The following RCOR1 variants were observed in gnomAD, a reference collection of about 807,000 sequenced individuals.
RCOR1 encodes the protein REST corepressor.
RCOR1 carries 12 observed loss-of-function variants against 64.0 expected under a neutral mutation model. That is an observed-to-expected ratio of 0.19 (90% confidence interval 0.12 to 0.30). RCOR1 has a LOEUF of 0.30. Among genes scored for constraint, RCOR1 ranks in the 10% least tolerant of loss-of-function variants. RCOR1 has a pLI of 1.00. For missense variants in RCOR1, 502 were observed against 621.2 expected (o/e 0.81, Z 2.04); for synonymous variants, 279 against 227.2 (o/e 1.23, Z -2.05).
chr14:102,595,146 CTT>C (rs973851196), intron 2 of RCOR1, among the ~76,000 whole-genome samples: 99 of 152,268 alleles, frequency 6.5e-4, no homozygotes, highest in African/African-American at 2.3e-3. Context: ...TTTGAACTGT[CTT>C]TGGGCTTTTT....
intron 2 of RCOR1, among the ~76,000 whole-genome samples, chr14:102,663,754 A>C (rs1482713110): frequency 1.3e-5 from 2 of 152,204 alleles, no homozygotes; most frequent in African/African-American, 4.8e-5. Flanking sequence ...TTCACTGTGA[A>C]ATTAATTGGT....
At chr14:102,685,801 A>T (rs915416864) in intron 3 of RCOR1, among the ~76,000 whole-genome samples, 4 of 152,154 alleles carry the variant, frequency 2.6e-5, no homozygotes, top group African/African-American at 7.2e-5. Flanking sequence ...ATGTCTCTCA[A>T]AAAGTCCAAA....
intron 2 of RCOR1, among the ~76,000 whole-genome samples, chr14:102,675,962 G>T (rs191390807): frequency 6.6e-6 from 1 of 151,574 alleles, no homozygotes; most frequent in Non-Finnish European, 1.5e-5. Flanking sequence ...GCTGTGTACT[G>T]TTCCAGTATA....
At chr14:102,703,266 G>T (rs1895784851) in intron 4 of RCOR1, among the ~76,000 whole-genome samples, 1 of 152,222 alleles carries the variant, frequency 6.6e-6, no homozygotes, top group Admixed American at 6.5e-5. Context: ...GTTGCATAAG[G>T]AGTAAGAGAG....
chr14:102,657,117 A>G (rs1484261874), intron 2 of RCOR1: 1 of 983,296 alleles, frequency 1.0e-6, no homozygotes, highest in Non-Finnish European at 1.2e-6. Flanking sequence ...TTTTCCTTAT[A>G]TAATTTAGGT....
At chr14:102,635,697 A>G (rs1313609754) in intron 2 of RCOR1, among the ~76,000 whole-genome samples, 1 of 151,922 alleles carries the variant, frequency 6.6e-6, no homozygotes, top group African/African-American at 2.4e-5. Context: ...ACTAATCTGC[A>G]TGGATTGTTT....
intron 3 of RCOR1, among the ~76,000 whole-genome samples, chr14:102,684,769 G>A (rs917623869): frequency 6.6e-6 from 1 of 152,146 alleles, no homozygotes; most frequent in Non-Finnish European, 1.5e-5. Context: ...GATTATCTGT[G>A]TGTGTGTATG....
intron 2 of RCOR1, among the ~76,000 whole-genome samples, chr14:102,668,323 A>T (rs1379001946): frequency 6.6e-6 from 1 of 152,208 alleles, no homozygotes; most frequent in Non-Finnish European, 1.5e-5. Context: ...ATCTTGCTAA[A>T]ATTAAGAATC....
chr14:102,689,546 T>C (rs1185770570), intron 3 of RCOR1, among the ~76,000 whole-genome samples: 1 of 152,204 alleles, frequency 6.6e-6, no homozygotes, highest in Non-Finnish European at 1.5e-5. Flanking sequence ...TGGATATCCA[T>C]AGAAACAGAT....
chr14:102,678,158 G>T (rs1297429080), intron 2 of RCOR1, among the ~76,000 whole-genome samples: 1 of 152,008 alleles, frequency 6.6e-6, no homozygotes. Flanking sequence ...CAGCAGTACC[G>T]TCCAGCTTTG....
At chr14:102,617,312 A>G (rs1255190496) in intron 2 of RCOR1, among the ~76,000 whole-genome samples, 2 of 152,162 alleles carry the variant, frequency 1.3e-5, no homozygotes, top group African/African-American at 2.4e-5. Context: ...GGTATTTTGT[A>G]TTTTTTAGCG....
At chr14:102,605,106 TTAGGAGCAAGACTTTATTGGATC>T (rs1893479906) in intron 2 of RCOR1, among the ~76,000 whole-genome samples, 1 of 150,358 alleles carries the variant, frequency 6.7e-6, no homozygotes, top group Non-Finnish European at 1.5e-5. Flanking sequence ...GAAAAAACAC[TTAGGAGCAAGACTTTATTGGATC>T]CATTGATTAG....
intron 2 of RCOR1, chr14:102,630,189 T>A: frequency 6.3e-6 from 1 of 158,026 alleles, no homozygotes; most frequent in Non-Finnish European, 1.4e-5. Flanking sequence ...GTGAGTGAGT[T>A]CTTACTCCTT....
At chr14:102,689,595 T>C (rs957842987) in intron 3 of RCOR1, among the ~76,000 whole-genome samples, 1 of 152,190 alleles carries the variant, frequency 6.6e-6, no homozygotes, top group Non-Finnish European at 1.5e-5. Flanking sequence ...TTATAAGTTA[T>C]ATATAGTAAG....
At chr14:102,599,786 C>G (rs1595188462) in intron 2 of RCOR1, among the ~76,000 whole-genome samples, 1 of 146,106 alleles carries the variant, frequency 6.8e-6, no homozygotes, top group South Asian at 2.1e-4. Context: ...ATGGTGAATG[C>G]TTTGTGGTTT....
intron 2 of RCOR1, among the ~76,000 whole-genome samples, chr14:102,651,612 G>A (rs779488665): frequency 2.6e-5 from 4 of 151,856 alleles, no homozygotes; most frequent in Non-Finnish European, 4.4e-5. Flanking sequence ...TAGAGAAGAA[G>A]TGAACTGATT....
At chr14:102,652,479 A>G (rs1031358387) in intron 2 of RCOR1, among the ~76,000 whole-genome samples, 11 of 144,982 alleles carry the variant, frequency 7.6e-5, no homozygotes, top group African/African-American at 2.8e-4. Context: ...GTGTCCTCAA[A>G]CGCCCTGTTT....
At chr14:102,629,953 A>G (rs938674144) in intron 2 of RCOR1, 22 of 960,282 alleles carry the variant, frequency 2.3e-5, no homozygotes, top group Middle Eastern at 5.4e-4. Context: ...TTATTACATT[A>G]TATGTGACCT....
chr14:102,645,885 A>G (rs1288209301), intron 2 of RCOR1, among the ~76,000 whole-genome samples: 1 of 152,204 alleles, frequency 6.6e-6, no homozygotes, highest in East Asian at 1.9e-4. Context: ...CGCCTCCACA[A>G]GGTCTCTGTG....
Sources: allele counts gnomAD v4.1 joint callset (sites outside exome capture counted in the v4.1 genomes callset), GRCh38; gene constraint gnomAD v4.1.1; transcripts MANE v1.5; gene names NCBI Gene and HGNC (gene_info 2026-07-23, HGNC 2026-07-21).